UST: variants seen among roughly 807,000 people sequenced by gnomAD.
UST encodes uronyl 2-sulfotransferase, also known as chondroitin sulfate 2-O-sulfotransferase.
UST carries 21 observed loss-of-function variants against 45.6 expected under a neutral mutation model. The ratio of observed to expected loss-of-function variants is 0.46; its 90% CI spans 0.33 to 0.66. The LOEUF (loss-of-function observed/expected upper bound fraction) is 0.66. Ranked by LOEUF, UST falls within the 30% of genes least tolerant of loss-of-function variation. The pLI is 0.02. For synonymous variants in UST, 215 were observed against 200.6 expected, an observed-to-expected ratio of 1.07 and a Z score of -0.61; for missense variants, 463 against 512.4, an observed-to-expected ratio of 0.90 and a Z score of 0.93.
intron 1 of UST, among the ~76,000 whole-genome samples, chr6:148,832,094 A>C (rs1385989303): frequency 6.6e-6 from 1 of 152,192 alleles, no homozygotes; most frequent in East Asian, 1.9e-4. Flanking sequence ...CCTGGATTCA[A>C]GCGATTCTGC....
intron 2 of UST, among the ~76,000 whole-genome samples, chr6:148,894,931 C>T (rs555470375): frequency 6.6e-6 from 1 of 151,266 alleles, no homozygotes; most frequent in South Asian, 2.1e-4. Flanking sequence ...AATTCTCCTG[C>T]CTCAGCCTCC....
intron 1 of UST, among the ~76,000 whole-genome samples, chr6:148,802,172 A>C (rs932976052): frequency 6.6e-6 from 1 of 152,224 alleles, no homozygotes; most frequent in Non-Finnish European, 1.5e-5. Flanking sequence ...GCTAAGGCTC[A>C]TAGCTGCTGC....
chr6:149,017,734 A>C (rs891847858), intron 5 of UST, among the ~76,000 whole-genome samples: 2 of 152,174 alleles, frequency 1.3e-5, no homozygotes, highest in East Asian at 3.9e-4. Flanking sequence ...CCGTTCGTGA[A>C]CATGTAAATT....
At chr6:148,825,866 T>C (rs1206450235) in intron 1 of UST, among the ~76,000 whole-genome samples, 1 of 152,186 alleles carries the variant, frequency 6.6e-6, no homozygotes, top group Admixed American at 6.5e-5. Context: ...GGCCTCAGTG[T>C]GAATTTCTAC....
At chr6:148,953,176 T>A (rs559172197) in intron 3 of UST, among the ~76,000 whole-genome samples, 1 of 152,236 alleles carries the variant, frequency 6.6e-6, no homozygotes, top group South Asian at 2.1e-4. Flanking sequence ...CTGCAGCACC[T>A]GTTTCAATAT....
At chr6:148,836,353 C>T (rs954836196) in intron 1 of UST, among the ~76,000 whole-genome samples, 1 of 152,122 alleles carries the variant, frequency 6.6e-6, no homozygotes, top group Non-Finnish European at 1.5e-5. Context: ...CTCACATTTG[C>T]GTGTGTTAAC....
chr6:149,034,834 TTCTCTCTCTCTCTCTCTCTCTCTCTCTC>T (rs60813679), intron 7 of UST, among the ~76,000 whole-genome samples: 1,599 of 45,770 alleles, frequency 0.035, 58 homozygotes, highest in Middle Eastern at 0.15. Flanking sequence ...TTCATGCTCA[TTCTCTCTCTCTCTCTCTCTCTCTCTCTC>T]TCTCTCTCTC....
chr6:148,987,604 T>G (rs1292417418), intron 5 of UST, among the ~76,000 whole-genome samples: 1 of 152,180 alleles, frequency 6.6e-6, no homozygotes, highest in Non-Finnish European at 1.5e-5. Context: ...CAAGAAAAGC[T>G]CTTTAAAATC....
At chr6:148,840,957 C>T (rs141937801) in intron 1 of UST, among the ~76,000 whole-genome samples, 149 of 151,682 alleles carry the variant, frequency 9.8e-4, no homozygotes, top group African/African-American at 3.2e-3. Context: ...CATGCTGTAG[C>T]CTCTGGTATT....
chr6:148,781,913 A>T (rs1374976338), intron 1 of UST, among the ~76,000 whole-genome samples: 1 of 152,246 alleles, frequency 6.6e-6, no homozygotes, highest in Non-Finnish European at 1.5e-5. Flanking sequence ...TCAGAAAAAC[A>T]GATTCCTTTC....
chr6:148,821,504 G>T (rs548228256), intron 1 of UST, among the ~76,000 whole-genome samples: 1 of 152,320 alleles, frequency 6.6e-6, no homozygotes, highest in African/African-American at 2.4e-5. Context: ...AATGGCATCT[G>T]CCAAGTTTCT....
intron 1 of UST, among the ~76,000 whole-genome samples, chr6:148,765,346 C>T (rs1484990357): frequency 1.3e-5 from 2 of 152,120 alleles, no homozygotes; most frequent in Non-Finnish European, 2.9e-5. Context: ...GTACCAGTAC[C>T]ATGCTGTTTT....
intron 5 of UST, among the ~76,000 whole-genome samples, chr6:149,006,637 G>A (rs181453801): frequency 6.6e-6 from 1 of 152,140 alleles, no homozygotes; most frequent in African/African-American, 2.4e-5. Context: ...GGGTCAAATG[G>A]TATTTCTGGT....
chr6:149,009,153 G>A (rs1157791893), intron 5 of UST, among the ~76,000 whole-genome samples: 8 of 152,202 alleles, frequency 5.3e-5, no homozygotes, highest in African/African-American at 1.9e-4. Flanking sequence ...GCAGGATGCT[G>A]TAAGAAGAAA....
chr6:148,862,824 C>A (rs1778345460), intron 1 of UST, among the ~76,000 whole-genome samples: 2 of 152,142 alleles, frequency 1.3e-5, no homozygotes, highest in Non-Finnish European at 2.9e-5. Context: ...TGAATATTGG[C>A]CCCCACTCTC....
chr6:148,848,065 C>A (rs1778032307), intron 1 of UST, among the ~76,000 whole-genome samples: 1 of 152,108 alleles, frequency 6.6e-6, no homozygotes, highest in African/African-American at 2.4e-5. Context: ...TTGGCCCTGA[C>A]CAGACACGGA....
At position 148,774,181 on chromosome 6, in the gene UST, A is replaced by C. The variant is rs1776486230; in HGVS notation, c.247+26504A>C. Among the ~76,000 whole-genome samples the C allele has an allele frequency of 2.0e-5, 3 of 152,220 alleles. No individual in the cohort carries two copies. In the South Asian group the frequency reaches 6.2e-4, roughly 32 times the overall value. ...TCAGGTAGATCACCAACAGATCACT[A>C]TGGGATTTAGAAAGATGTTAAAGAA... is the stretch of plus-strand genomic sequence containing the variant. On this transcript the variant is annotated intron_variant, in intron 1 of 7. Coordinates refer to ENST00000367463, the MANE Select transcript of UST (RefSeq NM_005715.3).
chr6:149,059,284 T>G (rs1776618479), intron 7 of UST, among the ~76,000 whole-genome samples: 1 of 152,224 alleles, frequency 6.6e-6, no homozygotes, highest in Non-Finnish European at 1.5e-5. Context: ...CAACAGAAGC[T>G]GGGATGCTGA....
At position 148,752,521 on chromosome 6, in the gene UST, T is replaced by C. The variant is rs190089970; in HGVS notation, c.247+4844T>C. 4.0e-3 allele frequency among the ~76,000 whole-genome samples: 605 copies of C among 152,340 alleles called. 4 individuals are homozygous for C. The highest frequency in any genetic ancestry group is 0.014 in the African/African-American group (575 of 41,584). On this transcript the variant is annotated intron_variant, in intron 1 of 7. Transcript: ENST00000367463. ...TATGGTAATCCGTTCTGTAAACAAA[T>C]AGCATGAATGGTGAAAAGCAATCTG...
Sources: allele counts gnomAD v4.1 joint callset (sites outside exome capture counted in the v4.1 genomes callset), GRCh38; gene constraint gnomAD v4.1.1; transcripts MANE v1.5; gene names NCBI Gene and HGNC (gene_info 2026-07-23, HGNC 2026-07-21).